FAR1: variants seen among roughly 807,000 people sequenced by gnomAD.
FAR1 encodes fatty acyl-CoA reductase 1, also known as male sterility domain-containing protein 2.
In FAR1, 22 loss-of-function variants were observed where a neutral mutation model predicts 61.1. The ratio of observed to expected loss-of-function variants is 0.36; its 90% confidence interval spans 0.26 to 0.51. FAR1 has a LOEUF of 0.51. Ranked by LOEUF, FAR1 falls within the 20% of genes least tolerant of loss-of-function variation. The pLI is 0.95. For missense variants in FAR1, 359 were observed against 626.9 expected (o/e 0.57, Z 4.56); for synonymous variants, 206 against 209.7 (o/e 0.98, Z 0.15).
At chr11:13,689,846 C>T (rs1848228325) in intron 1 of FAR1, among the ~76,000 whole-genome samples, 2 of 151,412 alleles carry the variant, frequency 1.3e-5, no homozygotes, top group African/African-American at 4.9e-5. Flanking sequence ...TGAAGTTGAG[C>T]CCCTTTTCAT....
At chr11:13,676,081 C>CAT (rs1186241522) in intron 1 of FAR1, among the ~76,000 whole-genome samples, 1 of 152,130 alleles carries the variant, frequency 6.6e-6, no homozygotes, top group East Asian at 1.9e-4. Flanking sequence ...AGGCAGAAAG[C>CAT]ATACTGCTAA....
rs753461426 is a variant in FAR1 at position 13,700,385 on chromosome 11, C to A, written c.258C>A (p.Leu86=). 12 of 1,603,364 alleles carry A rather than the reference C, an allele frequency of 7.5e-6. No homozygotes were observed. Among genetic ancestry groups the A allele is most frequent in the Non-Finnish European group, 9.4e-6 (11 of 1,176,428 alleles). Reference sequence around the variant, plus strand: ...AAATTATAGCAATCAACAGCGAACTCACCCAACCTAAACTGGCTCTCAGTG... The same window carrying A: ...AAATTATAGCAATCAACAGCGAACTAACCCAACCTAAACTGGCTCTCAGTG... ...REKIIAINSE[L]TQPKLALSEE... Residue 86 remains leucine (L), a synonymous_variant, in exon 3 of 12, where the codon CTC becomes CTA. Transcript: ENST00000354817.
chr11:13,676,553 A>G (rs1848071436), intron 1 of FAR1, among the ~76,000 whole-genome samples: 1 of 152,196 alleles, frequency 6.6e-6, no homozygotes, highest in African/African-American at 2.4e-5. Context: ...ATTGATTCTC[A>G]GTGGAGCCCT....
At chr11:13,709,024 T>C (rs1331465168) in intron 4 of FAR1, among the ~76,000 whole-genome samples, 1 of 152,206 alleles carries the variant, frequency 6.6e-6, no homozygotes, top group East Asian at 1.9e-4. Flanking sequence ...TCTTTTTTAC[T>C]TTTACAATTA....
intron 1 of FAR1, among the ~76,000 whole-genome samples, chr11:13,671,211 A>G (rs1159757487): frequency 6.6e-6 from 1 of 152,192 alleles, no homozygotes; most frequent in Non-Finnish European, 1.5e-5. Flanking sequence ...GTGAGTTTTG[A>G]GCCATCATGT....
intron 1 of FAR1, among the ~76,000 whole-genome samples, chr11:13,691,537 A>G (rs1274221798): frequency 6.6e-6 from 1 of 152,186 alleles, no homozygotes; most frequent in Non-Finnish European, 1.5e-5. Flanking sequence ...CTATTCCCCT[A>G]TGCCACAGGC....
At chr11:13,696,335 G>A (rs925149808) in intron 2 of FAR1, among the ~76,000 whole-genome samples, 1 of 152,108 alleles carries the variant, frequency 6.6e-6, no homozygotes, top group Non-Finnish European at 1.5e-5. Context: ...AGTAAGATAC[G>A]TTCCTGGCTT....
At chr11:13,691,676 A>AT (rs1374393570) in intron 1 of FAR1, among the ~76,000 whole-genome samples, 1 of 152,186 alleles carries the variant, frequency 6.6e-6, no homozygotes, top group African/African-American at 2.4e-5. Flanking sequence ...TTTGAGGTTC[A>AT]TCCATGTTGT....
chr11:13,688,552 A>G (rs565603330), intron 1 of FAR1, among the ~76,000 whole-genome samples: 2 of 152,290 alleles, frequency 1.3e-5, no homozygotes, highest in African/African-American at 4.8e-5. Flanking sequence ...AAAACTGCTT[A>G]ATATCTTTCC....
At chr11:13,688,593 A>G (rs2134175515) in intron 1 of FAR1, among the ~76,000 whole-genome samples, 1 of 152,320 alleles carries the variant, frequency 6.6e-6, no homozygotes, top group Non-Finnish European at 1.5e-5. Context: ...CACCTATGGA[A>G]AACTTTCTGG....
Position 13,721,577 on chromosome 11 carries a change from T to C in FAR1, c.1128-153T>C. On this transcript the variant is annotated intron_variant, in intron 9 of 11. Coordinates refer to ENST00000354817, the MANE Select transcript of FAR1 (RefSeq NM_032228.6). This position sits in a 1 kb window ranked among gnomAD's most constrained non-coding sequence, Gnocchi z 4.2. ...GTTCATCCAAGATGCAGAAATAGTC[T>C]TATTCCCTGCTGATTTGGTACACTT... 3 of 599,078 alleles carry C rather than the reference T, an allele frequency of 5.0e-6. No individual in the cohort carries two copies. Among genetic ancestry groups the C allele is most frequent in the Non-Finnish European group, 8.3e-6 (3 of 361,022 alleles). 37.1% of individuals were successfully genotyped at this position (599,078 alleles called of 1,614,324 possible).
intron 2 of FAR1, among the ~76,000 whole-genome samples, chr11:13,695,898 G>A (rs920370129): frequency 6.6e-6 from 1 of 152,030 alleles, no homozygotes; most frequent in Non-Finnish European, 1.5e-5. Flanking sequence ...TTAATGATGG[G>A]ATGTAAGATT....
chr11:13,708,314 C>A (rs1037640722), intron 4 of FAR1, among the ~76,000 whole-genome samples: 4 of 151,488 alleles, frequency 2.6e-5, no homozygotes, highest in Admixed American at 6.6e-5. Context: ...GCCGAGATGG[C>A]GCCACTGCAC....
rs563514725 is a variant in FAR1 at position 13,688,659 on chromosome 11, GA to G, written c.-7-6093del. 6.7e-3 allele frequency among the ~76,000 whole-genome samples: 1,018 copies of G among 152,046 alleles called. 13 individuals are homozygous for G. The highest frequency in any genetic ancestry group is 0.023 in the African/African-American group (961 of 41,476). ...ATTTGTTGAATAAATTTTTACATAA[GA>G]AAAAAATAAAGCTCAAAGAATTAGC... On this transcript the variant is annotated intron_variant, in intron 1 of 11. Coordinates refer to ENST00000354817, the MANE Select transcript of FAR1 (RefSeq NM_032228.6).
At chr11:13,716,557 A>G (rs1848559215) in intron 9 of FAR1, among the ~76,000 whole-genome samples, 1 of 152,038 alleles carries the variant, frequency 6.6e-6, no homozygotes, top group Non-Finnish European at 1.5e-5. Context: ...CTCTCCATAT[A>G]GCTCTTTGCA....
intron 1 of FAR1, among the ~76,000 whole-genome samples, chr11:13,693,763 C>T (rs1381263479): frequency 6.6e-6 from 1 of 152,106 alleles, no homozygotes; most frequent in African/African-American, 2.4e-5. Context: ...TCAGTCTTAT[C>T]TGTTTCTTCT....
chr11:13,672,128 A>G (rs1476762389), intron 1 of FAR1, among the ~76,000 whole-genome samples: 1 of 152,132 alleles, frequency 6.6e-6, no homozygotes, highest in Non-Finnish European at 1.5e-5. Context: ...GAAGATATTA[A>G]TGTTTGGGCT....
intron 1 of FAR1, among the ~76,000 whole-genome samples, chr11:13,685,867 A>T (rs1257025555): frequency 6.6e-6 from 1 of 152,188 alleles, no homozygotes; most frequent in African/African-American, 2.4e-5. Context: ...CATTGTATGC[A>T]GTTAGTAAAA....
intron 1 of FAR1, among the ~76,000 whole-genome samples, chr11:13,673,592 C>G (rs965457796): frequency 6.6e-6 from 1 of 152,164 alleles, no homozygotes; most frequent in African/African-American, 2.4e-5. Flanking sequence ...GTATTTGTTA[C>G]CTTAGAAGAT....
Sources: gnomAD v4.1 joint callset for allele counts (sites outside exome capture counted in the v4.1 genomes callset) on GRCh38, gnomAD v4.1.1 for gene constraint, Gnocchi (gnomAD v3.1) non-coding constraint, MANE v1.5 for transcripts, NCBI Gene and HGNC (gene_info 2026-07-23, HGNC 2026-07-21) for gene names.